Variants in DCAF6 observed in about 807,000 individuals in gnomAD.
DCAF6 encodes the protein DDB1- and CUL4-associated factor 6.
Under a neutral mutation model 125.1 loss-of-function variants are expected in DCAF6, and 54 were observed. The observed-to-expected ratio is 0.43, with a 90% confidence interval of 0.35 to 0.54. The LOEUF (loss-of-function observed/expected upper bound fraction) is 0.54. DCAF6 is among the 20% of genes least tolerant of loss of function. The pLI is 0.01. For synonymous variants in DCAF6, 371 were observed against 390.4 expected (o/e 0.95, Z 0.58); for missense variants, 934 against 1,161.7 (o/e 0.80, Z 2.85).
intron 7 of DCAF6, among the ~76,000 whole-genome samples, chr1:168,001,596 A>G (rs1682631916): frequency 6.6e-6 from 1 of 152,180 alleles, no homozygotes; most frequent in African/African-American, 2.4e-5. Flanking sequence ...TAGCAAGAGA[A>G]AGGACTGTAG....
At chr1:168,014,028 G>A (rs1344878610) in intron 10 of DCAF6, among the ~76,000 whole-genome samples, 1 of 151,928 alleles carries the variant, frequency 6.6e-6, no homozygotes, top group Non-Finnish European at 1.5e-5. Flanking sequence ...TGTGAGTCAC[G>A]GTGCCCTTCC....
chr1:167,880,527 T>C, the DCAF6 span: 1 of 1,613,974 alleles, frequency 6.2e-7, no homozygotes, highest in East Asian at 2.2e-5. Flanking sequence ...GTCAAATATA[T>C]CCATAGCACA....
chr1:168,009,731 CT>C lies in DCAF6; in HGVS notation c.1378+4941del, dbSNP rs1473196826. ...AGCTCAAATGCCATATAAGACAAGT[CT>C]TTCATAACTACCCTAGGTAAAGTCC... On this transcript the variant is annotated intron_variant, in intron 10 of 21. Coordinates refer to ENST00000367840, the MANE Select transcript of DCAF6 (RefSeq NM_001198956.2). Among the ~76,000 whole-genome samples the C allele has an allele frequency of 1.5e-4, 22 of 150,482 alleles. 1 individual carries two copies. Among genetic ancestry groups the C allele is most frequent in the Admixed American group, 2.0e-4 (3 of 15,132 alleles).
intron 10 of DCAF6, among the ~76,000 whole-genome samples, chr1:168,006,091 A>G (rs1683293937): frequency 6.6e-6 from 1 of 152,182 alleles, no homozygotes; most frequent in Non-Finnish European, 1.5e-5. Context: ...AGAAGACTCT[A>G]GCTTACATTC....
chr1:167,904,045 C>T, the DCAF6 span: 1 of 1,221,952 alleles, frequency 8.2e-7, no homozygotes, highest in Non-Finnish European at 1.2e-6. Context: ...TCAAACAGAG[C>T]CAGAAGAGGA....
At chr1:168,007,140 CAATA>C (rs972364362) in intron 10 of DCAF6, among the ~76,000 whole-genome samples, 5 of 152,178 alleles carry the variant, frequency 3.3e-5, no homozygotes, top group African/African-American at 1.2e-4. Flanking sequence ...TTCCTACTGT[CAATA>C]ATTTCCCAGC....
chr1:168,045,199 G>C lies in DCAF6; in HGVS notation c.2230G>C (p.Ala744Pro). 2 of 1,613,178 alleles carry C rather than the reference G, an allele frequency of 1.2e-6. No individual in the cohort carries two copies. Among genetic ancestry groups the C allele is most frequent in the Middle Eastern group, 1.7e-4 (1 of 6,038 alleles). The change falls in exon 16 of 22, where the codon GCA (alanine) becomes CCA (proline). Residue 744 changes from alanine to proline, a missense_variant. Physicochemically the swap from Ala to Pro is conservative, Grantham distance 27. Around this residue, in one of 5 missense-constraint regions of DCAF6, gnomAD observed 559 missense variants for 635.5 expected, o/e 0.88. Transcript: ENST00000367840. ...SDDDPVLIPG[A>P]RYRAGPGDRF... ...TGATGACCCAGTCCTGATCCCAGGT[G>C]CAAGGTATCGAGCAGGACCTGGTGA...
In DCAF6 at chr1:167,991,226, G is replaced by A; in HGVS notation, c.575G>A (p.Arg192His). The A allele has an allele frequency of 3.1e-6, 5 of 1,611,874 alleles. No individual in the cohort carries two copies. Among genetic ancestry groups the A allele is most frequent in the Non-Finnish European group, 4.2e-6 (5 of 1,179,490 alleles). The change falls in exon 6 of 22, where the codon CGT becomes CAT. Residue 192 changes from arginine to histidine, a missense_variant. Physicochemically the swap from Arg to His is conservative, Grantham distance 29. Around this residue, in one of 5 missense-constraint regions of DCAF6, gnomAD observed 309 missense variants for 381.2 expected, o/e 0.81. Transcript: ENST00000367840. ...CKDDILINCRRAATSVAICPP... is the reference protein window; with the variant it reads ...CKDDILINCRHAATSVAICPP... ...TAGGATATTTTAATTAACTGTCGAC[G>A]TGCTGCCACGTCTGTTGCTATTTGC...
At chr1:168,000,617 T>C (rs1476024077) in intron 7 of DCAF6, among the ~76,000 whole-genome samples, 1 of 152,118 alleles carries the variant, frequency 6.6e-6, no homozygotes, top group Non-Finnish European at 1.5e-5. Context: ...CGTCAACCAA[T>C]TGACGAATGG....
At chr1:167,947,613 T>C (rs1195682713) in intron 1 of DCAF6, among the ~76,000 whole-genome samples, 1 of 152,210 alleles carries the variant, frequency 6.6e-6, no homozygotes, top group African/African-American at 2.4e-5. Flanking sequence ...TGTCTTAATT[T>C]CTTCATTGAC....
At chr1:167,956,125 G>T (rs1409302833) in intron 2 of DCAF6, among the ~76,000 whole-genome samples, 1 of 151,984 alleles carries the variant, frequency 6.6e-6, no homozygotes, top group Non-Finnish European at 1.5e-5. Context: ...GATGCTTGTT[G>T]TCAGGTTGAG....
intron 16 of DCAF6, among the ~76,000 whole-genome samples, chr1:168,049,975 T>C (rs1013488704): frequency 1.8e-4 from 28 of 151,406 alleles, no homozygotes; most frequent in African/African-American, 6.6e-4. Flanking sequence ...TTTTTTTTTT[T>C]TACAATGCCA....
At chr1:167,886,001 G>A in the DCAF6 span, among the ~76,000 whole-genome samples, 1 of 152,056 alleles carries the variant, frequency 6.6e-6, no homozygotes, top group African/African-American at 2.4e-5. Flanking sequence ...GGATGTGAAG[G>A]ACCTCTTCAA....
the DCAF6 span, among the ~76,000 whole-genome samples, chr1:167,897,056 C>T: frequency 4.0e-5 from 6 of 151,718 alleles, no homozygotes; most frequent in Admixed American, 6.6e-5. Context: ...TGTTAAAGGA[C>T]GGGGGCTGAT....
intron 5 of DCAF6, 115 bp from the exon 6 acceptor site, chr1:167,991,089 C>T (rs962857921): frequency 2.6e-5 from 22 of 844,796 alleles, no homozygotes; most frequent in Admixed American, 7.2e-5. Flanking sequence ...TCATTCTTGA[C>T]TGAATTAGGA....
intron 17 of DCAF6, chr1:168,056,201 A>G: frequency 6.2e-7 from 1 of 1,612,426 alleles, no homozygotes; most frequent in African/African-American, 1.4e-5. Flanking sequence ...CTTCCTGTGC[A>G]AAATTGCTGA....
chr1:167,870,647 A>C, the DCAF6 span, among the ~76,000 whole-genome samples: 37 of 150,626 alleles, frequency 2.5e-4, no homozygotes, highest in East Asian at 6.8e-3. Flanking sequence ...ACAAAAAAAA[A>C]AAAAAAAAAA....
At chr1:167,902,008 C>T in the DCAF6 span, 1 of 1,613,748 alleles carries the variant, frequency 6.2e-7, no homozygotes, top group Non-Finnish European at 8.5e-7. Context: ...CTTAGTAAGC[C>T]CCCATACCTG....
intron 16 of DCAF6, among the ~76,000 whole-genome samples, chr1:168,048,774 C>T (rs1689454036): frequency 6.6e-6 from 1 of 152,088 alleles, no homozygotes; most frequent in African/African-American, 2.4e-5. Context: ...AAATGGAGAC[C>T]ATTATGGTAG....
Sources: allele counts gnomAD v4.1 joint callset (sites outside exome capture counted in the v4.1 genomes callset), GRCh38; gene constraint gnomAD v4.1.1; regional missense constraint gnomAD v4.1.1; transcripts MANE v1.5; gene names NCBI Gene and HGNC (gene_info 2026-07-23, HGNC 2026-07-21).